The following STK32C variants were observed in gnomAD, a reference collection of about 807,000 sequenced individuals.
STK32C encodes the protein serine/threonine kinase 32C.
Under a neutral mutation model 56.5 loss-of-function variants are expected in STK32C, and 31 were observed. The observed-to-expected ratio is 0.55, with a 90% confidence interval of 0.41 to 0.74. STK32C has a LOEUF of 0.74. Ranked by LOEUF, STK32C falls within the 30% of genes least tolerant of loss-of-function variation. STK32C has a pLI of 0.00. For missense variants in STK32C, 544 were observed against 676.9 expected (o/e 0.80, Z 2.18); for synonymous variants, 309 against 289.4 (o/e 1.07, Z -0.69).
In STK32C at chr10:132,225,261, A is replaced by G; in HGVS notation, c.848T>C (p.Val283Ala). 2.5e-6 allele frequency: 4 copies of G among 1,608,508 alleles called. No homozygotes were observed. Among genetic ancestry groups the G allele is most frequent in the Non-Finnish European group, 3.4e-6 (4 of 1,177,918 alleles). ...SFEVDWWSVG[V>A]MAYELLRGWR... ...TCCTCGCAGCAGCTCATAGGCCATCACCCCCACCGACCACCAGTCCACCTC... is the reference window on the plus strand; with the variant it reads ...TCCTCGCAGCAGCTCATAGGCCATCGCCCCCACCGACCACCAGTCCACCTC... Residue 283 changes from valine (V) to alanine (A), a missense_variant, in exon 7 of 12, where the codon GTG (valine) becomes GCG (alanine). Val to Ala is a moderately conservative substitution (Grantham distance 64). Around this residue, in one of 3 missense-constraint regions of STK32C, gnomAD observed 277 missense variants for 309.3 expected, o/e 0.90. Coordinates refer to ENST00000298630, the MANE Select transcript of STK32C (RefSeq NM_173575.4).
rs72856739 is a variant in STK32C at position 132,245,293 on chromosome 10, G to T, written c.318+607C>A. The stretch of plus-strand genomic sequence containing the variant: ...AGTGATTCATCCACAACAGAGCTGC[G>T]CGCAGAAGCCGGAGGGCTAATTCCA... On this transcript the variant is annotated intron_variant, in intron 2 of 11. Transcript: ENST00000298630. 5.0e-3 allele frequency among the ~76,000 whole-genome samples: 762 copies of T among 152,332 alleles called. 10 individuals are homozygous for T. The highest frequency in any genetic ancestry group is 0.034 in the South Asian group (166 of 4,826).
intron 2 of STK32C, among the ~76,000 whole-genome samples, chr10:132,245,232 C>T (rs1356672533): frequency 6.6e-6 from 1 of 152,196 alleles, no homozygotes; most frequent in African/African-American, 2.4e-5. Flanking sequence ...ATCTGCTAAG[C>T]CTCCCGGGAC....
downstream of STK32C, chr10:132,323,977 A>T (rs117077486): frequency 0.01 from 4,475 of 447,138 alleles, 36 homozygotes; most frequent in Middle Eastern, 0.019. This position sits in a 1 kb window ranked among gnomAD's most constrained non-coding sequence, Gnocchi z 4.8. Context: ...GAGAGCGGGA[A>T]GCCACTCACT....
downstream of STK32C, among the ~76,000 whole-genome samples, chr10:132,322,914 T>C (rs1303346303): frequency 3.9e-5 from 6 of 152,136 alleles, no homozygotes; most frequent in African/African-American, 1.4e-4. Flanking sequence ...CCTGAACACA[T>C]TTGATCGCTT....
chr10:132,278,308 A>T (rs940370355), intron 1 of STK32C, among the ~76,000 whole-genome samples: 1 of 151,630 alleles, frequency 6.6e-6, no homozygotes, highest in Non-Finnish European at 1.5e-5. Flanking sequence ...ACAAAAATTC[A>T]CCAGTGAATT....
At chr10:132,280,417 G>A (rs571161780) in intron 1 of STK32C, among the ~76,000 whole-genome samples, 90 of 131,532 alleles carry the variant, frequency 6.8e-4, no homozygotes, top group Non-Finnish European at 1.2e-3. Flanking sequence ...TCCACCCCCT[G>A]ATCACACCAC....
rs762661324 is a variant in STK32C, at chr10:132,224,436, A to G, written c.964T>C (p.Ser322Pro). Residue 322 changes from serine (S) to proline (P), a missense_variant, in exon 8 of 12, where the codon TCC (serine) becomes CCC (proline). This residue lies in a region of STK32C where 277 missense variants were observed against 309.3 expected (regional missense o/e 0.90). Transcript: ENST00000298630. ...CGCAGCAAGGCCACCATCTCCTTGG[A>G]CCACGTGGGGACATACTGGACGCTC... Reference protein sequence around the residue: ...TVSVQYVPTWSKEMVALLRKL... With the variant: ...TVSVQYVPTWPKEMVALLRKL... The G allele has an allele frequency of 6.4e-7, 1 of 1,556,814 alleles. No homozygotes were observed. Among genetic ancestry groups the G allele is most frequent in the Non-Finnish European group, 8.7e-7 (1 of 1,150,076 alleles).
upstream of STK32C, among the ~76,000 whole-genome samples, chr10:132,309,591 G>A (rs2066182208): frequency 6.6e-6 from 1 of 152,192 alleles, no homozygotes; most frequent in Non-Finnish European, 1.5e-5. Context: ...TCTGTTCCCT[G>A]CTCTCCCTCA....
intron 1 of STK32C, among the ~76,000 whole-genome samples, chr10:132,260,017 G>A (rs1438754875): frequency 3.9e-5 from 6 of 152,100 alleles, no homozygotes; most frequent in Non-Finnish European, 8.8e-5. Flanking sequence ...CACGCATCAC[G>A]GAGGCCCCAT....
intron 2 of STK32C, among the ~76,000 whole-genome samples, chr10:132,239,522 C>G (rs2063425438): frequency 6.6e-6 from 1 of 152,256 alleles, no homozygotes; most frequent in Non-Finnish European, 1.5e-5. Flanking sequence ...CGCTCCATGC[C>G]ACGCACTTGG....
At chr10:132,302,482 G>T (rs887423841) in intron 1 of STK32C, among the ~76,000 whole-genome samples, 1 of 152,164 alleles carries the variant, frequency 6.6e-6, no homozygotes, top group African/African-American at 2.4e-5. Context: ...CAGAACCGGG[G>T]AAGCCAGGAG....
chr10:132,311,271 G>T (rs12217726), upstream of STK32C, among the ~76,000 whole-genome samples: 1 of 152,190 alleles, frequency 6.6e-6, no homozygotes, highest in African/African-American at 2.4e-5. The surrounding 1 kb of genome is among the most constrained non-coding windows in gnomAD (Gnocchi z 4.4). Flanking sequence ...CACACGATTC[G>T]TGTGTGCTGT....
At chr10:132,265,921 C>T (rs1295553265) in intron 1 of STK32C, among the ~76,000 whole-genome samples, 5 of 152,164 alleles carry the variant, frequency 3.3e-5, no homozygotes, top group East Asian at 1.9e-4. Flanking sequence ...CGTGCACGGC[C>T]GCTTGGGAAA....
At chr10:132,266,575 C>T (rs1281826915) in intron 1 of STK32C, among the ~76,000 whole-genome samples, 1 of 152,108 alleles carries the variant, frequency 6.6e-6, no homozygotes, top group South Asian at 2.1e-4. Context: ...CCTTTGGCAG[C>T]AGGAAACTGA....
At chr10:132,331,109 G>A (rs2066695719) in intron 1 of STK32C, among the ~76,000 whole-genome samples, 1 of 146,182 alleles carries the variant, frequency 6.8e-6, no homozygotes, top group African/African-American at 2.6e-5. Flanking sequence ...GCTGAGGCAG[G>A]AGAATTGCTT....
intron 2 of STK32C, among the ~76,000 whole-genome samples, chr10:132,235,996 G>A (rs952777336): frequency 6.6e-6 from 1 of 152,254 alleles, no homozygotes; most frequent in Non-Finnish European, 1.5e-5. Context: ...GGCGAAGGTT[G>A]TGGCTGTAAC....
At chr10:132,307,994 G>A (rs2066135477), upstream of STK32C, 3 of 979,610 alleles carry the variant, frequency 3.1e-6, no homozygotes, top group Admixed American at 1.2e-4. This position sits in a 1 kb window ranked among gnomAD's most constrained non-coding sequence, Gnocchi z 4.4. Flanking sequence ...CTGGGGGCGG[G>A]GCAGGGGCGG....
intron 1 of STK32C, among the ~76,000 whole-genome samples, chr10:132,303,059 T>C (rs1160760385): frequency 6.6e-6 from 1 of 152,208 alleles, no homozygotes; most frequent in Non-Finnish European, 1.5e-5. Context: ...GGAGCGTTCC[T>C]TCACATCAGC....
intron 1 of STK32C, among the ~76,000 whole-genome samples, chr10:132,253,101 A>C (rs1287298659): frequency 6.6e-6 from 1 of 152,232 alleles, no homozygotes; most frequent in Non-Finnish European, 1.5e-5. Flanking sequence ...CGTCCTCCCT[A>C]ACGCAGCATT....
Sources: allele counts gnomAD v4.1 joint callset (sites outside exome capture counted in the v4.1 genomes callset), GRCh38; gene constraint gnomAD v4.1.1; regional missense constraint gnomAD v4.1.1; non-coding constraint Gnocchi (gnomAD v3.1); transcripts MANE v1.5; gene names NCBI Gene and HGNC (gene_info 2026-07-23, HGNC 2026-07-21).